KLHDC4: variants seen among roughly 807,000 people sequenced by gnomAD.
KLHDC4 encodes kelch domain-containing protein 4.
KLHDC4 carries 90 observed loss-of-function variants against 62.4 expected under a neutral mutation model. The observed-to-expected ratio is 1.44, with a 90% CI of 1.22 to 1.72. KLHDC4 has a LOEUF of 1.72. Ranked by LOEUF, KLHDC4 falls within the 40% of genes most tolerant of loss-of-function variation. The pLI is 0.00. For missense variants in KLHDC4, 1,025 were observed against 699.7 expected (o/e 1.47, Z -5.25); for synonymous variants, 386 against 284.4 (o/e 1.36, Z -3.59).
rs142555773 is a variant in KLHDC4, at chr16:87,726,806, G to C, written c.718C>G (p.Pro240Ala). Residue 240 changes from proline (P) to alanine (A), a missense_variant, in exon 7 of 12, where the codon CCC (proline) becomes GCC (alanine). Coordinates refer to ENST00000270583, the MANE Select transcript of KLHDC4 (RefSeq NM_017566.4). ...PRSGCQMSVT[P>A]QGGIVVYGGY... The stretch of plus-strand genomic sequence containing the variant: ...CCATAGACGACGATGCCGCCCTGGG[G>C]AGTGACGGACATCTGGCAGCCTGAT... 159 of 1,609,946 alleles carry C rather than the reference G, an allele frequency of 9.9e-5. No homozygotes were observed. In the African/African-American group the frequency reaches 1.7e-3, roughly 17 times the overall value.
intron 1 of KLHDC4, among the ~76,000 whole-genome samples, chr16:87,762,456 A>T (rs1362852149): frequency 6.6e-6 from 1 of 152,172 alleles, no homozygotes; most frequent in Non-Finnish European, 1.5e-5. Context: ...ACTTCACTGC[A>T]GACACCCTCA....
chr16:87,755,267 A>G lies in KLHDC4; in HGVS notation c.296T>C (p.Val99Ala). Reference protein sequence around the residue: ...QKTFLYNELYVYNTRKDTWTK... With the variant: ...QKTFLYNELYAYNTRKDTWTK... The stretch of plus-strand genomic sequence containing the variant: ...CCAGGTGTCCTTTCTGGTATTGTAG[A>G]CATAGAGCTCGTTATACAAAAAAGT... Residue 99 changes from valine (V) to alanine (A), a missense_variant, in exon 4 of 12, where the codon GTC becomes GCC. Transcript: ENST00000270583. 1.2e-6 allele frequency: 2 copies of G among 1,605,828 alleles called. No homozygotes were observed. The highest frequency in any genetic ancestry group is 1.7e-6 in the Non-Finnish European group (2 of 1,172,688).
downstream of KLHDC4, among the ~76,000 whole-genome samples, chr16:87,706,647 C>G (rs2034768220): frequency 6.6e-6 from 1 of 152,226 alleles, no homozygotes; most frequent in South Asian, 2.1e-4. Flanking sequence ...TGAGGTCACA[C>G]CGATGGCAGT....
At position 87,745,739 on chromosome 16, in the gene KLHDC4, G is replaced by C. The variant is rs548694194; in HGVS notation, c.506+2934C>G. ...GCCATGGGGACAGTCAAGGCGCCTG[G>C]TGTTTATGAGGGCAAGGGCTCAGCA... On this transcript the variant is annotated intron_variant, in intron 5 of 11. Transcript: ENST00000270583. Among the ~76,000 whole-genome samples the C allele has an allele frequency of 2.0e-5, 3 of 152,286 alleles. No homozygotes were observed. In the South Asian group the frequency reaches 6.2e-4, roughly 32 times the overall value.
intron 5 of KLHDC4, among the ~76,000 whole-genome samples, chr16:87,735,047 C>T (rs1035404659): frequency 2.2e-5 from 3 of 138,340 alleles, no homozygotes; most frequent in Non-Finnish European, 4.6e-5. Flanking sequence ...CCCCCCCAGA[C>T]GAATTTCCTG....
intron 2 of KLHDC4, among the ~76,000 whole-genome samples, chr16:87,760,965 A>G (rs2045796669): frequency 6.6e-6 from 1 of 152,130 alleles, no homozygotes; most frequent in African/African-American, 2.4e-5. Flanking sequence ...CCTGGGAGGC[A>G]GAGGTTGTAG....
chr16:87,764,912 TG>T (rs897375422), intron 1 of KLHDC4, among the ~76,000 whole-genome samples: 17 of 150,138 alleles, frequency 1.1e-4, no homozygotes, highest in Admixed American at 9.3e-4. Flanking sequence ...GATGAGGACA[TG>T]GAGAGATCAA....
intron 1 of KLHDC4, among the ~76,000 whole-genome samples, chr16:87,764,015 T>A (rs377018062): frequency 2.4e-4 from 36 of 152,318 alleles, no homozygotes; most frequent in African/African-American, 7.7e-4. Flanking sequence ...AGGCCAGGAC[T>A]AAGTGAAGGT....
At chr16:87,749,553 CAAAA>C (rs74585020) in intron 4 of KLHDC4, among the ~76,000 whole-genome samples, 4 of 76,128 alleles carry the variant, frequency 5.3e-5, no homozygotes, top group Non-Finnish European at 5.2e-5. Context: ...GACTCCATGT[CAAAA>C]AAAAAAAAAA....
intron 7 of KLHDC4, among the ~76,000 whole-genome samples, chr16:87,717,414 G>A (rs1488787479): frequency 6.6e-6 from 1 of 152,180 alleles, no homozygotes; most frequent in Non-Finnish European, 1.5e-5. Context: ...TTTGAAACAT[G>A]CAAATGATCC....
rs780790344 is a variant in KLHDC4, at chr16:87,765,907, C to T, written c.-17G>A. Reference sequence around the variant, plus strand: ...CTTGCCCATCTTGCCGGGTCCCAAGCCGCGACGGGACACCAGGAAAGAAAA... The same window carrying T: ...CTTGCCCATCTTGCCGGGTCCCAAGTCGCGACGGGACACCAGGAAAGAAAA... On this transcript the variant is annotated 5_prime_UTR_variant, in exon 1 of 12. Transcript: ENST00000270583. The T allele has an allele frequency of 2.2e-5, 34 of 1,550,252 alleles. No homozygotes were observed. In the East Asian group the frequency reaches 7.8e-4, roughly 36 times the overall value.
downstream of KLHDC4, among the ~76,000 whole-genome samples, chr16:87,704,823 G>A (rs988969878): frequency 2.6e-5 from 4 of 152,166 alleles, no homozygotes; most frequent in African/African-American, 9.7e-5. Context: ...TTCCCTTGAT[G>A]TTCATTCCAC....
chr16:87,745,921 T>C (rs2042970552), intron 5 of KLHDC4, among the ~76,000 whole-genome samples: 1 of 152,046 alleles, frequency 6.6e-6, no homozygotes, highest in Non-Finnish European at 1.5e-5. Flanking sequence ...CAATCACAAA[T>C]ACATTAAGCA....
intron 5 of KLHDC4, 83 bp from the exon 6 acceptor site, chr16:87,730,727 AT>A: frequency 8.9e-7 from 1 of 1,128,762 alleles, no homozygotes; most frequent in South Asian, 1.3e-5. Context: ...ACAAAATCCA[AT>A]TTTTACACTG....
chr16:87,745,752 C>G (rs554624261), intron 5 of KLHDC4, among the ~76,000 whole-genome samples: 31 of 152,210 alleles, frequency 2.0e-4, no homozygotes, highest in African/African-American at 6.7e-4. Flanking sequence ...TTTATGAGGG[C>G]AAGGGCTCAG....
intron 1 of KLHDC4, chr16:87,762,269 T>C (rs2045999562): frequency 1.3e-6 from 1 of 769,166 alleles, no homozygotes; most frequent in Non-Finnish European, 1.9e-6. Context: ...CCAAGTATTA[T>C]CTCCACACCC....
Position 87,756,295 on chromosome 16 carries a change from G to C in KLHDC4, c.270+104C>G, listed in dbSNP as rs535925459. 4.8e-6 allele frequency: 4 copies of C among 833,450 alleles called. No homozygotes were observed. The East Asian group carries it at 7.6e-5, about 16-fold the overall frequency. 51.6% of individuals were successfully genotyped at this position (833,450 alleles called of 1,614,324 possible). ...TGACGGCTCAAGCGCGTGATACAAG[G>C]GGTGAAGGGGCTAACGCATATTTGA... On this transcript the variant is annotated intron_variant, in intron 3 of 11. Transcript: ENST00000270583.
At chr16:87,701,715 G>A (rs775113977) in exon 1 of KLHDC4, 18 of 456,744 alleles carry the variant, frequency 3.9e-5, no homozygotes, top group Non-Finnish European at 7.0e-5. Flanking sequence ...CTTCTCGTGC[G>A]CCCATGCCAC....
At chr16:87,705,495 C>A (rs140726982), downstream of KLHDC4, among the ~76,000 whole-genome samples, 1 of 152,242 alleles carries the variant, frequency 6.6e-6, no homozygotes, top group Non-Finnish European at 1.5e-5. Context: ...AAATCTTTAG[C>A]AACAAAAGCA....
Sources: allele counts gnomAD v4.1 joint callset (sites outside exome capture counted in the v4.1 genomes callset), GRCh38; gene constraint gnomAD v4.1.1; transcripts MANE v1.5; gene names NCBI Gene and HGNC (gene_info 2026-07-23, HGNC 2026-07-21).